The following FBN1 variants were observed in gnomAD, a reference collection of about 807,000 sequenced individuals.
FBN1 encodes fibrillin 1.
FBN1 carries 29 observed loss-of-function variants against 365.1 expected under a neutral mutation model. The ratio of observed to expected loss-of-function variants is 0.08; its 90% CI spans 0.06 to 0.11. The LOEUF is 0.11. FBN1 is among the 10% of genes least tolerant of loss of function. The probability of loss-of-function intolerance (pLI) is 1.00; values close to 1 mark genes in which losing one functional copy is unlikely to be tolerated. For synonymous variants in FBN1, 1,210 were observed against 1,270.5 expected (o/e 0.95, Z 1.01); for missense variants, 2,476 against 3,703.2 (o/e 0.67, Z 8.60).
At chr15:48,573,780 A>T (rs1349573584) in intron 6 of FBN1, among the ~76,000 whole-genome samples, 1 of 152,228 alleles carries the variant, frequency 6.6e-6, no homozygotes, top group African/African-American at 2.4e-5. Context: ...CTCCCCCAGG[A>T]AAACCTCTGC....
At chr15:48,493,450 G>C (rs1055176934) in intron 23 of FBN1, among the ~76,000 whole-genome samples, 3 of 152,200 alleles carry the variant, frequency 2.0e-5, no homozygotes, top group African/African-American at 7.2e-5. Context: ...TCAATGGGGA[G>C]AGGGTGGAAT....
At chr15:48,580,154 T>C (rs2044380309) in intron 6 of FBN1, among the ~76,000 whole-genome samples, 1 of 152,116 alleles carries the variant, frequency 6.6e-6, no homozygotes, top group African/African-American at 2.4e-5. Flanking sequence ...AGCCAACAGA[T>C]CCTCATACCT....
At chr15:48,508,529 AAGG>A in intron 15 of FBN1, 50 bp downstream of exon 15, 1 of 1,611,518 alleles carries the variant, frequency 6.2e-7, no homozygotes, top group Non-Finnish European at 8.5e-7. Context: ...TAAACAACAT[AAGG>A]AGGAGAAAAG....
chr15:48,571,944 T>C (rs1349573402), intron 6 of FBN1, among the ~76,000 whole-genome samples: 1 of 152,248 alleles, frequency 6.6e-6, no homozygotes, highest in African/African-American at 2.4e-5. Context: ...ATTTATGTTG[T>C]GATTGCAAAG....
intron 43 of FBN1, 103 bp from the exon 44 acceptor site, chr15:48,456,865 T>C: frequency 8.9e-7 from 1 of 1,121,742 alleles, no homozygotes; most frequent in Non-Finnish European, 1.3e-6. Context: ...TGTGTGTGTG[T>C]GTGTGTGCGT....
At chr15:48,605,710 C>T (rs1217007667) in intron 4 of FBN1, among the ~76,000 whole-genome samples, 1 of 151,788 alleles carries the variant, frequency 6.6e-6, no homozygotes, top group Non-Finnish European at 1.5e-5. Flanking sequence ...CTGTCTCTAC[C>T]AAAAATACAA....
chr15:48,593,751 T>C (rs1286108373), intron 6 of FBN1, among the ~76,000 whole-genome samples: 1 of 152,168 alleles, frequency 6.6e-6, no homozygotes, highest in Admixed American at 6.5e-5. Context: ...TGAAAACTTA[T>C]GCTCTAGTGA....
In FBN1 at chr15:48,492,429, A is replaced by G. The variant is rs771949173; in HGVS notation, c.2854+32T>C. On this transcript the variant is annotated intron_variant, in intron 24 of 65. Transcript: ENST00000316623. ...CATTTTTAATAATCGTTAATAAATT[A>G]TTATTAGAAAAATAATGAGCTCAGT... 3.7e-6 allele frequency: 6 copies of G among 1,600,796 alleles called. No homozygotes were observed. The Admixed American group carries it at 5.0e-5, about 13-fold the overall frequency.
rs375465265 is a variant in FBN1 at position 48,410,957 on chromosome 15, T to C, written c.*33A>G. ...ATAGTTCTACCTATCTATATTTGTT[T>C]TTCTTTTAATTATTTGGTCTCTGGA... On this transcript the variant is annotated 3_prime_UTR_variant, in exon 66 of 66. Coordinates refer to ENST00000316623, the MANE Select transcript of FBN1 (RefSeq NM_000138.5). 70 of 1,600,714 alleles carry C rather than the reference T, an allele frequency of 4.4e-5. No homozygotes were observed. Among genetic ancestry groups the C allele is most frequent in the Non-Finnish European group, 5.8e-5 (68 of 1,171,326 alleles).
intron 2 of FBN1, among the ~76,000 whole-genome samples, chr15:48,614,044 C>A (rs1391538787): frequency 6.6e-6 from 1 of 152,158 alleles, no homozygotes; most frequent in Non-Finnish European, 1.5e-5. Flanking sequence ...AGTAGAAACT[C>A]CATTCAGAAT....
At chr15:48,494,349 T>TGAC (rs1385659465) in intron 22 of FBN1, 95 bp from the exon 23 acceptor site, 24 of 922,074 alleles carry the variant, frequency 2.6e-5, no homozygotes, top group Non-Finnish European at 4.3e-5. Flanking sequence ...ACATGAAAGA[T>TGAC]GACCTGGAAC....
intron 2 of FBN1, among the ~76,000 whole-genome samples, chr15:48,626,871 A>G (rs1448439506): frequency 6.6e-6 from 1 of 152,192 alleles, no homozygotes; most frequent in Non-Finnish European, 1.5e-5. Context: ...GAATAAAAAT[A>G]ATAATTAGCA....
chr15:48,457,392 A>T (rs951260106), intron 43 of FBN1, among the ~76,000 whole-genome samples: 7 of 152,144 alleles, frequency 4.6e-5, no homozygotes, highest in Admixed American at 1.3e-4. Flanking sequence ...GTTCCTTAGC[A>T]CTCTACATGA....
chr15:48,625,543 A>G (rs1172652645), intron 2 of FBN1, among the ~76,000 whole-genome samples: 2 of 152,198 alleles, frequency 1.3e-5, no homozygotes, highest in African/African-American at 4.8e-5. Flanking sequence ...ATCAGGGCCA[A>G]TACAGGACAT....
At chr15:48,413,117 C>A (rs570547474) in intron 64 of FBN1, among the ~76,000 whole-genome samples, 2 of 152,176 alleles carry the variant, frequency 1.3e-5, no homozygotes, top group Non-Finnish European at 2.9e-5. Flanking sequence ...AAAATGGCTT[C>A]TTTTTATGAA....
At chr15:48,424,386 C>G (rs980459725) in intron 60 of FBN1, among the ~76,000 whole-genome samples, 69 of 152,160 alleles carry the variant, frequency 4.5e-4, no homozygotes, top group Non-Finnish European at 8.2e-4. Flanking sequence ...CCACTTCTCT[C>G]CTCTCCTCTC....
intron 6 of FBN1, 31 bp downstream of exon 6, chr15:48,596,252 T>C (rs761610882): frequency 1.3e-6 from 2 of 1,590,418 alleles, no homozygotes; most frequent in African/African-American, 1.3e-5. Context: ...TACCAGCATG[T>C]CTTTACGTAA....
chr15:48,605,867 C>G (rs2044603667), intron 4 of FBN1, among the ~76,000 whole-genome samples: 1 of 151,868 alleles, frequency 6.6e-6, no homozygotes, highest in Non-Finnish European at 1.5e-5. Flanking sequence ...AGAGTAAGAC[C>G]CCGTCTAAAA....
intron 1 of FBN1, 23 bp from the exon 2 acceptor site, chr15:48,644,973 C>T (rs1173254897): frequency 5.1e-6 from 2 of 388,988 alleles, no homozygotes; most frequent in East Asian, 4.7e-5. Context: ...GACAAATCCC[C>T]GAGGCGGGGA....
Sources: allele counts gnomAD v4.1 joint callset (sites outside exome capture counted in the v4.1 genomes callset), GRCh38; gene constraint gnomAD v4.1.1; transcripts MANE v1.5; gene names NCBI Gene and HGNC (gene_info 2026-07-23, HGNC 2026-07-21).